The following TMPRSS11A variants were observed in gnomAD, a reference collection of about 807,000 sequenced individuals.
TMPRSS11A encodes the protein transmembrane serine protease 11A, also known as transmembrane protease serine 11A.
TMPRSS11A carries 53 observed loss-of-function variants against 58.9 expected under a neutral mutation model. That is an observed-to-expected ratio of 0.90 (90% CI 0.72 to 1.13). The LOEUF (loss-of-function observed/expected upper bound fraction) is 1.13, where lower values mean the gene tolerates loss of function less well. TMPRSS11A is among the 50% of genes most tolerant of loss of function. The pLI is 0.00. For synonymous variants in TMPRSS11A, 167 were observed against 169.8 expected, an observed-to-expected ratio of 0.98 and a Z score of 0.13; for missense variants, 493 against 499.3, an observed-to-expected ratio of 0.99 and a Z score of 0.12.
intron 1 of TMPRSS11A, among the ~76,000 whole-genome samples, chr4:67,951,406 G>T (rs1435107650): frequency 4.6e-5 from 7 of 152,148 alleles, no homozygotes; most frequent in Admixed American, 3.3e-4. Context: ...GGCAACTTCT[G>T]TGTATGTGAG....
At chr4:67,926,435 T>A (rs1018652526) in intron 5 of TMPRSS11A, among the ~76,000 whole-genome samples, 1 of 152,250 alleles carries the variant, frequency 6.6e-6, no homozygotes, top group Non-Finnish European at 1.5e-5. Flanking sequence ...TGTGCCTTTC[T>A]TAAGTGCTAG....
Position 67,921,951 on chromosome 4 carries a change from T to C in TMPRSS11A, c.692+804A>G, listed in dbSNP as rs1217005723. On this transcript the variant is annotated intron_variant, in intron 7 of 9. Coordinates refer to ENST00000508048, the MANE Select transcript of TMPRSS11A (RefSeq NM_001114387.2). ...TCTAAAATTCTAAATGTAATAGTGATAAAAATGACTGGTTATTATCTTGAA... is the reference window on the plus strand; with the variant it reads ...TCTAAAATTCTAAATGTAATAGTGACAAAAATGACTGGTTATTATCTTGAA... Among the ~76,000 whole-genome samples the C allele has an allele frequency of 2.0e-5, 3 of 152,362 alleles. No individual in the cohort carries two copies. In the East Asian group the frequency reaches 5.8e-4, roughly 29 times the overall value.
At position 67,919,062 on chromosome 4, in the gene TMPRSS11A, A is replaced by T; in HGVS notation, c.863T>A (p.Ile288Lys). 1.2e-6 allele frequency: 2 copies of T among 1,614,186 alleles called. No homozygotes were observed. The highest frequency in any genetic ancestry group is 2.2e-5 in the South Asian group (2 of 91,082). The stretch of plus-strand genomic sequence containing the variant: ...GGCTTCTGGCAAACAAATCTGGCGT[A>T]TGTCATCCGAAAAGGTGACTCTGGA... The part of the protein sequence containing the change: ...VSSRVTFSDD[I>K]RQICLPEASA... The change falls in exon 8 of 10, where the codon ATA (isoleucine) becomes AAA (lysine). Residue 288 changes from isoleucine (I) to lysine (K), a missense_variant. Coordinates refer to ENST00000508048, the MANE Select transcript of TMPRSS11A (RefSeq NM_001114387.2).
intron 7 of TMPRSS11A, 104 bp from the exon 8 acceptor site, chr4:67,919,336 T>C (rs1367163084): frequency 5.8e-6 from 6 of 1,033,224 alleles, no homozygotes; most frequent in Non-Finnish European, 8.5e-6. Context: ...ATCCTGAGAA[T>C]ACTTGGCTGC....
At position 67,909,999 on chromosome 4, in the gene TMPRSS11A, T is replaced by C. The variant is rs1321591229; in HGVS notation, c.*1343A>G. On this transcript the variant is annotated 3_prime_UTR_variant, in exon 10 of 10. Coordinates refer to ENST00000508048, the MANE Select transcript of TMPRSS11A (RefSeq NM_001114387.2). ...TAAAGCAAGTTCATCGTTCCAATGATTTGTCTTATATTTGGGCTAAATGAG... is the reference window on the plus strand; with the variant it reads ...TAAAGCAAGTTCATCGTTCCAATGACTTGTCTTATATTTGGGCTAAATGAG... 1 of 152,074 alleles carries C rather than the reference T, an allele frequency of 6.6e-6. No homozygotes were observed. Among genetic ancestry groups the C allele is most frequent in the African/African-American group, 2.4e-5 (1 of 41,432 alleles). The allele number at this position is 152,074 out of a possible 1,614,324, so 9.4% of individuals were successfully genotyped here. A position where few individuals can be genotyped will look rare whatever the true frequency, so the allele number is the denominator to read the frequency against.
chr4:67,941,356 G>A (rs1459666773), intron 3 of TMPRSS11A, among the ~76,000 whole-genome samples: 2 of 152,132 alleles, frequency 1.3e-5, no homozygotes, highest in East Asian at 3.9e-4. Context: ...GGGATGGGAG[G>A]AGAAAAACAC....
chr4:67,923,399 C>CA (rs1720383051), intron 6 of TMPRSS11A, among the ~76,000 whole-genome samples: 1 of 152,198 alleles, frequency 6.6e-6, no homozygotes, highest in Non-Finnish European at 1.5e-5. Flanking sequence ...AACATCATTG[C>CA]TCAAATTCAT....
chr4:67,949,807 T>C (rs1721116828), intron 1 of TMPRSS11A, among the ~76,000 whole-genome samples: 1 of 152,110 alleles, frequency 6.6e-6, no homozygotes, highest in Non-Finnish European at 1.5e-5. Flanking sequence ...TGCAGTGAGC[T>C]GAAATGGCGC....
chr4:67,939,324 T>C (rs189691846), intron 3 of TMPRSS11A, among the ~76,000 whole-genome samples: 6 of 152,308 alleles, frequency 3.9e-5, no homozygotes, highest in Admixed American at 2.0e-4. Flanking sequence ...GTAAAGTCTT[T>C]AGGGTTTTCT....
intron 5 of TMPRSS11A, among the ~76,000 whole-genome samples, chr4:67,926,570 C>G (rs867354287): frequency 2.0e-5 from 3 of 152,316 alleles, no homozygotes; most frequent in Middle Eastern, 3.4e-3. Flanking sequence ...CCCAACCTCA[C>G]GTGACCAGGC....
At chr4:67,913,632 C>T (rs1375454435) in intron 9 of TMPRSS11A, among the ~76,000 whole-genome samples, 2 of 152,166 alleles carry the variant, frequency 1.3e-5, no homozygotes, top group East Asian at 1.9e-4. Context: ...ACCTGTTCCC[C>T]GTGGTATGGA....
chr4:67,944,594 A>T lies in TMPRSS11A; in HGVS notation c.177T>A (p.Asp59Glu). 6.2e-7 allele frequency: 1 copy of T among 1,612,874 alleles called. No individual in the cohort carries two copies. Among genetic ancestry groups the T allele is most frequent in the Non-Finnish European group, 8.5e-7 (1 of 1,179,054 alleles). Residue 59 changes from aspartate to glutamate, a missense_variant, in exon 3 of 10, where the codon GAT becomes GAA. Transcript: ENST00000508048. ...EYYHGSFKIL[D>E]PQINNNFGQS... ...GTCCGAAATTGTTATTGATTTGTGG[A>T]TCTAAAATTTTAAAGGAGCCATGAT...
intron 7 of TMPRSS11A, among the ~76,000 whole-genome samples, chr4:67,919,448 T>C (rs548292619): frequency 6.6e-6 from 1 of 152,332 alleles, no homozygotes; most frequent in Admixed American, 6.5e-5. Flanking sequence ...AATACAAAAC[T>C]ATTGAATTTT....
At chr4:67,916,775 C>A (rs536298450) in intron 8 of TMPRSS11A, among the ~76,000 whole-genome samples, 66 of 151,884 alleles carry the variant, frequency 4.3e-4, no homozygotes, top group Middle Eastern at 3.4e-3. Flanking sequence ...TGCAGTGAGC[C>A]GAGATCACGC....
In TMPRSS11A at chr4:67,917,105, A is replaced by G. The variant is rs140641091; in HGVS notation, c.952+1868T>C. 7.1e-3 allele frequency among the ~76,000 whole-genome samples: 1,077 copies of G among 152,008 alleles called. 9 individuals are homozygous for G. The highest frequency in any genetic ancestry group is 0.013 in the Non-Finnish European group (868 of 67,968). On this transcript the variant is annotated intron_variant, in intron 8 of 9. Transcript: ENST00000508048. ...AGCTTTTTATTTATCAATTTTCTAT[A>G]GTTTATTTTTAATTTTATTCATTTC...
At chr4:67,920,762 T>C (rs1456221497) in intron 7 of TMPRSS11A, among the ~76,000 whole-genome samples, 1 of 152,004 alleles carries the variant, frequency 6.6e-6, no homozygotes, top group African/African-American at 2.4e-5. Context: ...TTATTTTTCC[T>C]GATCCTCTCC....
intron 4 of TMPRSS11A, among the ~76,000 whole-genome samples, chr4:67,931,501 G>C (rs959979722): frequency 6.6e-6 from 1 of 152,106 alleles, no homozygotes; most frequent in African/African-American, 2.4e-5. Flanking sequence ...ATGACAGAAA[G>C]AAAATTTATT....
At chr4:67,918,433 CA>C (rs1720218705) in intron 8 of TMPRSS11A, among the ~76,000 whole-genome samples, 1 of 152,186 alleles carries the variant, frequency 6.6e-6, no homozygotes, top group South Asian at 2.1e-4. Flanking sequence ...AGTACTGAAG[CA>C]AATTTTGCTA....
intron 1 of TMPRSS11A, among the ~76,000 whole-genome samples, chr4:67,951,207 T>C (rs6814941): frequency 0.12 from 18,054 of 152,118 alleles, 3,379 homozygotes; most frequent in African/African-American, 0.4. Flanking sequence ...TAGAAAGATG[T>C]AGTCATGCCA....
Sources: allele counts gnomAD v4.1 joint callset (sites outside exome capture counted in the v4.1 genomes callset), GRCh38; gene constraint gnomAD v4.1.1; transcripts MANE v1.5; gene names NCBI Gene and HGNC (gene_info 2026-07-23, HGNC 2026-07-21).